The following PCDH15 variants were observed in gnomAD, a reference collection of about 807,000 sequenced individuals.
The protein encoded by PCDH15 is protocadherin-15.
PCDH15 carries 129 observed loss-of-function variants against 178.5 expected under a neutral mutation model. The ratio of observed to expected loss-of-function variants is 0.72; its 90% CI spans 0.63 to 0.84. The LOEUF (loss-of-function observed/expected upper bound fraction) is 0.84. PCDH15 is among the 40% of genes least tolerant of loss of function. The pLI, the probability that PCDH15 is intolerant of heterozygous loss-of-function variation, is 0.00. For missense variants in PCDH15, 2,230 were observed against 2,099.9 expected (o/e 1.06, Z -1.21); for synonymous variants, 800 against 732.0 (o/e 1.09, Z -1.50).
At chr10:54,374,366 G>A (rs576413913) in intron 4 of PCDH15, among the ~76,000 whole-genome samples, 38 of 152,168 alleles carry the variant, frequency 2.5e-4, no homozygotes, top group Admixed American at 6.6e-4. Flanking sequence ...AATTTCTCTC[G>A]TTTCAAAAGC....
rs1954194928 is a variant in PCDH15, at chr10:54,878,479, C to T, written c.-29+18971G>A. Among the ~76,000 whole-genome samples the T allele has an allele frequency of 2.0e-5, 3 of 152,196 alleles. No individual in the cohort carries two copies. The South Asian group carries it at 6.2e-4, about 32-fold the overall frequency. ...GAACTGTCCTCCATTTCTATTTACCCTAGAAGCCTCATTCCATTGTTTCGA... is the reference window on the plus strand; with the variant it reads ...GAACTGTCCTCCATTTCTATTTACCTTAGAAGCCTCATTCCATTGTTTCGA... On this transcript the variant is annotated intron_variant, in intron 3 of 5. Coordinates refer to the PCDH15 transcript ENST00000458638.
At chr10:55,160,969 CT>C (rs1839049705) in intron 2 of PCDH15, among the ~76,000 whole-genome samples, 1 of 152,126 alleles carries the variant, frequency 6.6e-6, no homozygotes, top group African/African-American at 2.4e-5. Context: ...GAAATTGTTA[CT>C]GCTCATGTGG....
intron 2 of PCDH15, among the ~76,000 whole-genome samples, chr10:54,632,088 A>G (rs184831851): frequency 5.9e-5 from 9 of 152,292 alleles, no homozygotes; most frequent in African/African-American, 2.2e-4. Context: ...ACCATGGAAT[A>G]CTACACAGCC....
At chr10:54,887,491 T>TA (rs1954379724) in intron 3 of PCDH15, among the ~76,000 whole-genome samples, 1 of 152,126 alleles carries the variant, frequency 6.6e-6, no homozygotes, top group South Asian at 2.1e-4. Context: ...AATCAAATTT[T>TA]ATCATTCTAT....
chr10:55,259,305 T>A (rs1842089653), intron 1 of PCDH15, among the ~76,000 whole-genome samples: 1 of 152,024 alleles, frequency 6.6e-6, no homozygotes. Flanking sequence ...ATAAATCTGA[T>A]AGAAAATTAT....
intron 18 of PCDH15, among the ~76,000 whole-genome samples, chr10:54,037,409 A>T (rs2093440167): frequency 6.6e-6 from 1 of 151,874 alleles, no homozygotes; most frequent in Non-Finnish European, 1.5e-5. Context: ...CACCCTCCTA[A>T]TCAGTGAGCA....
rs142127350 is a variant in PCDH15 at position 54,284,936 on chromosome 10, A to G, written c.876+32335T>C. On this transcript the variant is annotated intron_variant, in intron 8 of 37. Transcript: ENST00000644397. ...GTCTAGTCCAAAAGCCCAAAGACTA[A>G]ATAAAGTAATTGATACATGGCATCC... Among the ~76,000 whole-genome samples, 265 of 152,328 alleles carry G rather than the reference A, an allele frequency of 1.7e-3. 1 individual carries two copies. Among genetic ancestry groups the G allele is most frequent in the African/African-American group, 5.5e-3 (228 of 41,572 alleles).
At chr10:54,487,440 C>T (rs181346775) in intron 3 of PCDH15, among the ~76,000 whole-genome samples, 1 of 152,058 alleles carries the variant, frequency 6.6e-6, no homozygotes, top group East Asian at 1.9e-4. Context: ...CTGACTTCAC[C>T]ACTACCCAAT....
At chr10:54,482,301 A>C (rs2136942757) in intron 3 of PCDH15, among the ~76,000 whole-genome samples, 1 of 151,948 alleles carries the variant, frequency 6.6e-6, no homozygotes, top group Non-Finnish European at 1.5e-5. Flanking sequence ...TCAGTAACAA[A>C]ATAATACTGA....
intron 15 of PCDH15, 63 bp from the exon 16 acceptor site, chr10:54,090,126 T>C (rs1024392298): frequency 1.8e-5 from 23 of 1,275,728 alleles, no homozygotes; most frequent in Admixed American, 3.4e-5. Flanking sequence ...CATTACAGAG[T>C]AATATAAAAG....
chr10:55,103,184 G>A (rs1396791988), intron 2 of PCDH15, among the ~76,000 whole-genome samples: 1 of 139,550 alleles, frequency 7.2e-6, no homozygotes, highest in Non-Finnish European at 1.5e-5. Context: ...TCTACCATTT[G>A]TTTCAGCGCC....
chr10:54,803,559 C>T (rs1591710087), upstream of PCDH15, among the ~76,000 whole-genome samples: 2 of 152,178 alleles, frequency 1.3e-5, no homozygotes, highest in Non-Finnish European at 2.9e-5. Flanking sequence ...AAGGCAACAC[C>T]ATGCTATCCA....
intron 2 of PCDH15, among the ~76,000 whole-genome samples, chr10:54,583,896 G>C (rs1207670557): frequency 6.6e-6 from 1 of 151,948 alleles, no homozygotes; most frequent in Non-Finnish European, 1.5e-5. Flanking sequence ...CTAAATGGTA[G>C]TCTTCATTTT....
upstream of PCDH15, among the ~76,000 whole-genome samples, chr10:54,804,848 G>A (rs529011728): frequency 7.0e-6 from 1 of 142,128 alleles, no homozygotes; most frequent in African/African-American, 2.6e-5. Context: ...ACAATGAAAA[G>A]CAAATATCTA....
chr10:54,183,307 G>A, intron 13 of PCDH15, 137 bp downstream of exon 13: 5 of 875,744 alleles, frequency 5.7e-6, no homozygotes, highest in Non-Finnish European at 9.2e-6. Context: ...GAAATTTAAA[G>A]CTATTTAAAC....
At chr10:55,338,771 C>T (rs1844470696) in intron 2 of PCDH15, among the ~76,000 whole-genome samples, 1 of 151,982 alleles carries the variant, frequency 6.6e-6, no homozygotes, top group Admixed American at 6.6e-5. Context: ...ACTGAGACTC[C>T]ATCTCAAAAA....
intron 2 of PCDH15, among the ~76,000 whole-genome samples, chr10:54,563,680 C>G (rs531472480): frequency 1.3e-5 from 2 of 152,126 alleles, no homozygotes; most frequent in East Asian, 3.9e-4. Flanking sequence ...ATCACCTTGC[C>G]CTACCAAGAG....
intron 6 of PCDH15, among the ~76,000 whole-genome samples, chr10:54,341,382 C>T (rs1307427442): frequency 1.3e-5 from 2 of 152,148 alleles, no homozygotes; most frequent in African/African-American, 4.8e-5. Flanking sequence ...TTTCTGCCTC[C>T]TGCTGCATGT....
intron 26 of PCDH15, among the ~76,000 whole-genome samples, chr10:53,874,091 T>A (rs1017724469): frequency 6.6e-6 from 1 of 152,160 alleles, no homozygotes; most frequent in African/African-American, 2.4e-5. Context: ...GGTAAGAATA[T>A]AAAAACCATA....
Sources: allele counts gnomAD v4.1 joint callset (sites outside exome capture counted in the v4.1 genomes callset), GRCh38; gene constraint gnomAD v4.1.1; transcripts MANE v1.5; gene names NCBI Gene and HGNC (gene_info 2026-07-23, HGNC 2026-07-21).